Variants in RPH3A observed in about 807,000 individuals in gnomAD.
RPH3A encodes rabphilin 3A.
RPH3A carries 48 observed loss-of-function variants against 102.2 expected under a neutral mutation model. The ratio of observed to expected loss-of-function variants is 0.47; its 90% confidence interval spans 0.37 to 0.60. RPH3A has a LOEUF of 0.60. Among genes scored for constraint, RPH3A ranks in the 20% least tolerant of loss-of-function variants. RPH3A has a pLI of 0.00. For synonymous variants in RPH3A, 310 were observed against 324.3 expected (o/e 0.96, Z 0.47); for missense variants, 781 against 910.1 (o/e 0.86, Z 1.83).
At chr12:112,627,408 TATG>T (rs1433582399) in intron 1 of RPH3A, among the ~76,000 whole-genome samples, 1 of 149,424 alleles carries the variant, frequency 6.7e-6, no homozygotes, top group Non-Finnish European at 1.5e-5. Context: ...AATATTTCAT[TATG>T]ATGTAATTGT....
chr12:112,667,847 C>T (rs1462763108), intron 1 of RPH3A, among the ~76,000 whole-genome samples: 2 of 152,258 alleles, frequency 1.3e-5, no homozygotes, highest in Admixed American at 6.5e-5. Context: ...ATATCTTGAC[C>T]TCATTCTCCT....
At chr12:112,804,243 T>C (rs1486075636) in intron 2 of RPH3A, among the ~76,000 whole-genome samples, 1 of 152,126 alleles carries the variant, frequency 6.6e-6, no homozygotes, top group Non-Finnish European at 1.5e-5. Flanking sequence ...CTCCAAAGCA[T>C]AGTGGGTCCA....
At chr12:112,661,717 T>C (rs2040049572) in intron 1 of RPH3A, among the ~76,000 whole-genome samples, 1 of 151,798 alleles carries the variant, frequency 6.6e-6, no homozygotes, top group African/African-American at 2.4e-5. Context: ...TTTTGTCTCC[T>C]GTTCAGTCTT....
chr12:112,852,208 G>T (rs989662435), intron 5 of RPH3A, among the ~76,000 whole-genome samples: 4 of 152,138 alleles, frequency 2.6e-5, no homozygotes, highest in African/African-American at 9.7e-5. Flanking sequence ...CATTAGTCTG[G>T]CCTGAGCTCC....
intron 1 of RPH3A, among the ~76,000 whole-genome samples, chr12:112,585,356 A>G (rs2039431218): frequency 6.6e-6 from 1 of 152,216 alleles, no homozygotes; most frequent in African/African-American, 2.4e-5. Context: ...TTCTTTGATG[A>G]TTTCCCACAT....
intron 5 of RPH3A, among the ~76,000 whole-genome samples, chr12:112,859,392 A>G (rs1432248856): frequency 6.6e-6 from 1 of 152,246 alleles, no homozygotes. Context: ...TGTAAAAATA[A>G]TACATGTTCA....
At chr12:112,709,536 C>T (rs944136238) in intron 1 of RPH3A, among the ~76,000 whole-genome samples, 3 of 144,300 alleles carry the variant, frequency 2.1e-5, no homozygotes, top group South Asian at 2.3e-4. Context: ...GGTGACAGAG[C>T]GAAACCCTGT....
intron 5 of RPH3A, among the ~76,000 whole-genome samples, chr12:112,851,093 T>A (rs2042315900): frequency 6.6e-6 from 1 of 152,182 alleles, no homozygotes; most frequent in East Asian, 1.9e-4. Flanking sequence ...AAATCACTGT[T>A]GATAAACATG....
At chr12:112,751,783 A>G (rs1359045478) in intron 1 of RPH3A, among the ~76,000 whole-genome samples, 1 of 152,160 alleles carries the variant, frequency 6.6e-6, no homozygotes, top group Non-Finnish European at 1.5e-5. Context: ...ATAAAAATAT[A>G]TGTATGAGAA....
In RPH3A at chr12:112,580,394, CTTTTTTTTTTTT is replaced by C. The variant is rs773931202; in HGVS notation, c.-140+5089_-140+5100del. ...GACTTAGCAGACACTTTTGTCTTGT[CTTTTTTTTTTTT>C]TTTTTTTTTTTTTCTGAGATGGAGT... On this transcript the variant is annotated intron_variant, in intron 1 of 21. Coordinates refer to the RPH3A transcript ENST00000543106. Among the ~76,000 whole-genome samples, 38 of 76,956 alleles carry C rather than the reference CTTTTTTTTTTTT, an allele frequency of 4.9e-4. No individual in the cohort carries two copies. In the South Asian group the frequency reaches 6.0e-3, roughly 12 times the overall value. 50.5% of individuals were successfully genotyped at this position (76,956 alleles called of 152,430 possible).
intron 1 of RPH3A, among the ~76,000 whole-genome samples, chr12:112,680,159 C>T (rs937631838): frequency 1.3e-5 from 2 of 152,084 alleles, no homozygotes; most frequent in East Asian, 1.9e-4. Flanking sequence ...GAGCCTGGAG[C>T]GGTGAGCAGG....
intron 3 of RPH3A, 41 bp downstream of exon 3, chr12:112,828,430 C>G: frequency 2.7e-6 from 4 of 1,463,206 alleles, no homozygotes; most frequent in Non-Finnish European, 3.8e-6. Context: ...TGTTTTGAGT[C>G]GATGAGGTTT....
intron 1 of RPH3A, among the ~76,000 whole-genome samples, chr12:112,713,042 TC>T (rs2040487021): frequency 1.2e-5 from 1 of 85,114 alleles, no homozygotes; most frequent in Non-Finnish European, 2.1e-5. Context: ...TTCTTCTTCT[TC>T]TTCTTCTCCT....
At chr12:112,665,614 A>G (rs753013497) in intron 1 of RPH3A, among the ~76,000 whole-genome samples, 64 of 152,120 alleles carry the variant, frequency 4.2e-4, no homozygotes, top group Non-Finnish European at 7.9e-4. Context: ...CAGGTATTCT[A>G]TATGTTTTAA....
upstream of RPH3A, among the ~76,000 whole-genome samples, chr12:112,787,287 A>G (rs899796238): frequency 1.1e-4 from 17 of 152,140 alleles, no homozygotes; most frequent in Non-Finnish European, 2.4e-4. Context: ...TGGGGCCATT[A>G]TTTTGCCTAC....
chr12:112,867,844 A>C (rs1352810085), intron 7 of RPH3A, among the ~76,000 whole-genome samples: 1 of 152,236 alleles, frequency 6.6e-6, no homozygotes, highest in Admixed American at 6.5e-5. Context: ...CTCCTTGACC[A>C]ACTAAACCTG....
intron 1 of RPH3A, among the ~76,000 whole-genome samples, chr12:112,632,437 G>A (rs749512033): frequency 6.6e-6 from 1 of 152,084 alleles, no homozygotes; most frequent in Non-Finnish European, 1.5e-5. Context: ...TTTTATAAGA[G>A]CAATTTCTCA....
intron 1 of RPH3A, among the ~76,000 whole-genome samples, chr12:112,746,334 G>A (rs964738642): frequency 1.1e-4 from 16 of 152,232 alleles, no homozygotes; most frequent in African/African-American, 3.4e-4. Context: ...GAGGAGGGAC[G>A]TACATGCTCA....
chr12:112,780,869 T>A (rs545076730), intron 1 of RPH3A, among the ~76,000 whole-genome samples: 1 of 152,294 alleles, frequency 6.6e-6, no homozygotes, highest in South Asian at 2.1e-4. Flanking sequence ...AATTATCCTC[T>A]GGTAGCCGGG....
Sources: gnomAD v4.1 joint callset for allele counts (sites outside exome capture counted in the v4.1 genomes callset) on GRCh38, gnomAD v4.1.1 for gene constraint, MANE v1.5 for transcripts, NCBI Gene and HGNC (gene_info 2026-07-23, HGNC 2026-07-21) for gene names.